The following UBE2R2 variants were observed in gnomAD, a reference collection of about 807,000 sequenced individuals.
UBE2R2 encodes the protein ubiquitin conjugating enzyme E2 R2.
UBE2R2 carries 1 observed loss-of-function variant against 27.8 expected under a neutral mutation model. That is an observed-to-expected ratio of 0.04 (90% CI 0.01 to 0.17). The LOEUF (loss-of-function observed/expected upper bound fraction) is 0.17. UBE2R2 is among the 10% of genes least tolerant of loss of function. UBE2R2 has a pLI of 1.00. For missense variants in UBE2R2, 100 were observed against 291.0 expected (o/e 0.34, Z 4.78); for synonymous variants, 106 against 113.3 (o/e 0.94, Z 0.41).
At chr9:33,916,992 C>T in intron 4 of UBE2R2, 26 bp from the exon 5 acceptor site, 1 of 1,613,180 alleles carries the variant, frequency 6.2e-7, no homozygotes, top group African/African-American at 1.3e-5. Context: ...TTACCGTAAA[C>T]CATTTCTGTG....
At chr9:33,871,607 T>C (rs550408488) in intron 1 of UBE2R2, among the ~76,000 whole-genome samples, 1 of 152,320 alleles carries the variant, frequency 6.6e-6, no homozygotes, top group East Asian at 1.9e-4. Flanking sequence ...TGAGTTTGCG[T>C]ATTAGTCAAA....
intron 1 of UBE2R2, among the ~76,000 whole-genome samples, chr9:33,853,638 TG>T (rs1821023015): frequency 6.6e-6 from 1 of 152,100 alleles, no homozygotes. Context: ...AAATTTCTGC[TG>T]ATTTATTTAT....
At chr9:33,914,434 C>T (rs1822584490) in intron 4 of UBE2R2, among the ~76,000 whole-genome samples, 1 of 152,118 alleles carries the variant, frequency 6.6e-6, no homozygotes, top group Non-Finnish European at 1.5e-5. Flanking sequence ...CCAGGGTCTT[C>T]AAAGACATTG....
At chr9:33,856,830 C>T (rs1394450825) in intron 1 of UBE2R2, among the ~76,000 whole-genome samples, 2 of 147,864 alleles carry the variant, frequency 1.4e-5, no homozygotes, top group Middle Eastern at 3.2e-3. Context: ...TCCATCCATC[C>T]GTCTGTCCGT....
At chr9:33,851,991 C>T (rs558329029) in intron 1 of UBE2R2, among the ~76,000 whole-genome samples, 1 of 151,984 alleles carries the variant, frequency 6.6e-6, no homozygotes, top group Non-Finnish European at 1.5e-5. Flanking sequence ...AGTAAGACTC[C>T]ACCGTAATGA....
intron 1 of UBE2R2, among the ~76,000 whole-genome samples, chr9:33,826,908 C>A (rs1258832215): frequency 6.6e-6 from 1 of 152,060 alleles, no homozygotes; most frequent in African/African-American, 2.4e-5. Flanking sequence ...CGTGGTGAAA[C>A]CCCACATCTA....
intron 1 of UBE2R2, among the ~76,000 whole-genome samples, chr9:33,876,298 G>A (rs1355814138): frequency 1.3e-5 from 2 of 152,198 alleles, no homozygotes; most frequent in Non-Finnish European, 2.9e-5. Flanking sequence ...GGAGGTTGCA[G>A]TGAGCCAAGA....
chr9:33,899,362 G>T (rs1178795422), intron 2 of UBE2R2, among the ~76,000 whole-genome samples: 1 of 151,974 alleles, frequency 6.6e-6, no homozygotes, highest in Non-Finnish European at 1.5e-5. Flanking sequence ...ACCACGCCCG[G>T]CTAATTTTTG....
At chr9:33,892,116 G>A (rs1480093923) in intron 2 of UBE2R2, among the ~76,000 whole-genome samples, 1 of 152,066 alleles carries the variant, frequency 6.6e-6, no homozygotes, top group Admixed American at 6.5e-5. Context: ...TGATTGTGCT[G>A]CACAATCTAT....
chr9:33,818,163 C>A (rs866413781), intron 1 of UBE2R2, among the ~76,000 whole-genome samples: 15 of 151,944 alleles, frequency 9.9e-5, no homozygotes, highest in African/African-American at 3.1e-4. Flanking sequence ...CAGGCTGCAC[C>A]GGGAAATCGG....
intron 1 of UBE2R2, among the ~76,000 whole-genome samples, chr9:33,849,074 T>C (rs1011977410): frequency 1.3e-5 from 2 of 151,964 alleles, no homozygotes; most frequent in African/African-American, 2.4e-5. Flanking sequence ...CTGACCAACA[T>C]GGAGAAACCT....
At chr9:33,858,011 A>C (rs1821147197) in intron 1 of UBE2R2, among the ~76,000 whole-genome samples, 1 of 152,202 alleles carries the variant, frequency 6.6e-6, no homozygotes, top group Non-Finnish European at 1.5e-5. Context: ...TAACTTTATG[A>C]GGCACCAGTT....
At chr9:33,889,947 TG>T in intron 2 of UBE2R2, among the ~76,000 whole-genome samples, 1 of 152,156 alleles carries the variant, frequency 6.6e-6, no homozygotes, top group Non-Finnish European at 1.5e-5. Flanking sequence ...CCCAAAGTGC[TG>T]GGGTTACAGG....
At chr9:33,903,040 G>A (rs1054432265) in intron 3 of UBE2R2, among the ~76,000 whole-genome samples, 14 of 151,904 alleles carry the variant, frequency 9.2e-5, no homozygotes, top group African/African-American at 2.9e-4. Flanking sequence ...CGGAGGTTGC[G>A]GTGAGCCAGG....
chr9:33,845,907 C>A (rs1485230250), intron 1 of UBE2R2, among the ~76,000 whole-genome samples: 1 of 151,954 alleles, frequency 6.6e-6, no homozygotes, highest in African/African-American at 2.4e-5. Flanking sequence ...CTTTGGGAGG[C>A]CGAGGTGGGC....
intron 3 of UBE2R2, 22 bp from the exon 4 acceptor site, chr9:33,911,942 G>A (rs775285092): frequency 1.2e-6 from 2 of 1,604,666 alleles, no homozygotes; most frequent in Non-Finnish European, 8.5e-7. Flanking sequence ...ATTCATAGCT[G>A]ATCCTTTTTT....
intron 1 of UBE2R2, among the ~76,000 whole-genome samples, chr9:33,821,637 G>A (rs985623483): frequency 3.3e-5 from 5 of 150,396 alleles, no homozygotes; most frequent in Non-Finnish European, 5.9e-5. Context: ...TTTTTTTTGA[G>A]ATGGAGTCTC....
chr9:33,842,414 C>T (rs1428324301), intron 1 of UBE2R2, among the ~76,000 whole-genome samples: 1 of 151,950 alleles, frequency 6.6e-6, no homozygotes, highest in Non-Finnish European at 1.5e-5. Flanking sequence ...TAAATTTCCA[C>T]CAATTTGTAT....
At chr9:33,850,552 A>G (rs1009460680) in intron 1 of UBE2R2, among the ~76,000 whole-genome samples, 1 of 152,106 alleles carries the variant, frequency 6.6e-6, no homozygotes, top group Non-Finnish European at 1.5e-5. Flanking sequence ...CTTATGGCTG[A>G]TAACTGACTT....
Sources: gnomAD v4.1 joint callset for allele counts (sites outside exome capture counted in the v4.1 genomes callset) on GRCh38, gnomAD v4.1.1 for gene constraint, MANE v1.5 for transcripts, NCBI Gene and HGNC (gene_info 2026-07-23, HGNC 2026-07-21) for gene names.